Variants in MSRA observed in about 807,000 individuals in gnomAD.
MSRA encodes the protein methionine sulfoxide reductase A.
MSRA carries 54 observed loss-of-function variants against 31.3 expected under a neutral mutation model. The observed-to-expected ratio is 1.73, with a 90% confidence interval of 1.39 to 2.17. The LOEUF is 2.17. Ranked by LOEUF, MSRA falls within the 30% of genes most tolerant of loss-of-function variation. The pLI, the probability that MSRA is intolerant of heterozygous loss-of-function variation, is 0.00. For synonymous variants in MSRA, 169 were observed against 116.5 expected (o/e 1.45, Z -2.90); for missense variants, 507 against 300.9 (o/e 1.69, Z -5.07).
At chr8:10,134,492 C>T (rs750268369) in intron 1 of MSRA, among the ~76,000 whole-genome samples, 46 of 152,204 alleles carry the variant, frequency 3.0e-4, no homozygotes, top group Admixed American at 1.1e-3. Flanking sequence ...GACCGTGGGG[C>T]ACATCCATGC....
chr8:10,110,232 G>A (rs547896943), intron 1 of MSRA, among the ~76,000 whole-genome samples: 1 of 152,276 alleles, frequency 6.6e-6, no homozygotes, highest in Non-Finnish European at 1.5e-5. Context: ...GAAAGGTTTG[G>A]ACTGTTTCAG....
chr8:10,066,933 A>G, intron 1 of MSRA, among the ~76,000 whole-genome samples: 1 of 151,224 alleles, frequency 6.6e-6, no homozygotes, highest in East Asian at 1.9e-4. Context: ...GAAAGTACAG[A>G]GTTCCCATAC....
intron 5 of MSRA, among the ~76,000 whole-genome samples, chr8:10,322,716 A>G (rs895982845): frequency 6.6e-6 from 1 of 152,186 alleles, no homozygotes; most frequent in African/African-American, 2.4e-5. Context: ...AGGAACCCTT[A>G]TTATTATTGG....
intron 3 of MSRA, among the ~76,000 whole-genome samples, chr8:10,292,040 G>C (rs1049100087): frequency 2.0e-5 from 3 of 152,154 alleles, no homozygotes; most frequent in South Asian, 2.1e-4. Context: ...AAATAAAATG[G>C]TGCTGGCCCA....
At chr8:10,336,916 T>C (rs1803083599) in intron 5 of MSRA, 1 of 152,218 alleles carries the variant, frequency 6.6e-6, no homozygotes, top group South Asian at 2.1e-4. Flanking sequence ...GCATAGAAAT[T>C]CTAATCCAGC....
At chr8:10,064,073 C>G (rs1157355780) in intron 1 of MSRA, among the ~76,000 whole-genome samples, 4 of 152,118 alleles carry the variant, frequency 2.6e-5, no homozygotes, top group Non-Finnish European at 4.4e-5. Flanking sequence ...GAATCCCTTT[C>G]CTGTATTTGG....
chr8:10,063,993 C>T (rs1797334865), intron 1 of MSRA, among the ~76,000 whole-genome samples: 1 of 152,186 alleles, frequency 6.6e-6, no homozygotes, highest in South Asian at 2.1e-4. Flanking sequence ...AGAGTTGGAG[C>T]TGGAACTAGG....
chr8:10,234,267 C>A (rs186035947), intron 2 of MSRA, among the ~76,000 whole-genome samples: 2 of 151,984 alleles, frequency 1.3e-5, no homozygotes, highest in Non-Finnish European at 2.9e-5. Flanking sequence ...AAAAAAATAA[C>A]CCTCTGTGTG....
At chr8:10,258,958 C>T (rs147225469) in intron 3 of MSRA, among the ~76,000 whole-genome samples, 55 of 152,134 alleles carry the variant, frequency 3.6e-4, no homozygotes, top group African/African-American at 1.3e-3. Context: ...AATACAAAAA[C>T]TAGCCGGGTG....
chr8:10,115,971 C>G (rs1373800658), intron 1 of MSRA, among the ~76,000 whole-genome samples: 1 of 152,220 alleles, frequency 6.6e-6, no homozygotes, highest in East Asian at 1.9e-4. Context: ...CCGTCCCCTT[C>G]ACCTCCCACT....
chr8:10,418,658 C>G (rs1808622817), intron 5 of MSRA, among the ~76,000 whole-genome samples: 1 of 151,970 alleles, frequency 6.6e-6, no homozygotes, highest in Non-Finnish European at 1.5e-5. Flanking sequence ...AGGTTCCTTT[C>G]TAGTAATACT....
intron 1 of MSRA, among the ~76,000 whole-genome samples, chr8:10,163,256 AG>A (rs1420071209): frequency 6.6e-6 from 1 of 152,162 alleles, no homozygotes; most frequent in Non-Finnish European, 1.5e-5. Flanking sequence ...TCGTTATAGC[AG>A]CCCCCGCCGA....
chr8:10,054,848 T>A lies in MSRA; in HGVS notation c.142+190T>A, dbSNP rs1424804526. On this transcript the variant is annotated intron_variant, in intron 1 of 5. Coordinates refer to ENST00000317173, the MANE Select transcript of MSRA (RefSeq NM_012331.5). ...AGACGCTGGGGTCCACTGACGTCCC[T>A]TTGTCTTTGTTTGGCTCGTCATCTT... Among the ~76,000 whole-genome samples, 3 of 152,142 alleles carry A rather than the reference T, an allele frequency of 2.0e-5. No individual in the cohort carries two copies. In the East Asian group the frequency reaches 5.8e-4, roughly 29 times the overall value.
chr8:10,281,094 C>T (rs1216670342), intron 3 of MSRA, among the ~76,000 whole-genome samples: 1 of 151,950 alleles, frequency 6.6e-6, no homozygotes, highest in Non-Finnish European at 1.5e-5. Context: ...TAATGATTAC[C>T]CAACTGTGAA....
chr8:10,252,530 G>A (rs1052083993), intron 3 of MSRA, among the ~76,000 whole-genome samples: 1 of 152,196 alleles, frequency 6.6e-6, no homozygotes, highest in African/African-American at 2.4e-5. Context: ...TGACAGTAAA[G>A]AGCGCCTGCA....
intron 5 of MSRA, among the ~76,000 whole-genome samples, chr8:10,323,189 C>G (rs927826089): frequency 6.6e-6 from 1 of 151,664 alleles, no homozygotes; most frequent in African/African-American, 2.4e-5. Context: ...CCAGGCAGGA[C>G]ACTACACTGG....
chr8:10,167,128 C>T (rs1332766450), intron 1 of MSRA, among the ~76,000 whole-genome samples: 1 of 152,150 alleles, frequency 6.6e-6, no homozygotes, highest in African/African-American at 2.4e-5. Flanking sequence ...ACACTGCTTC[C>T]CCAGGTCCCC....
intron 1 of MSRA, among the ~76,000 whole-genome samples, chr8:10,205,044 T>G (rs1316591896): frequency 6.6e-6 from 1 of 152,138 alleles, no homozygotes; most frequent in Admixed American, 6.5e-5. Flanking sequence ...ATGCTAGTGT[T>G]CTGACCATGC....
intron 3 of MSRA, among the ~76,000 whole-genome samples, chr8:10,295,583 G>C (rs1800492732): frequency 6.6e-6 from 1 of 152,048 alleles, no homozygotes; most frequent in African/African-American, 2.4e-5. Context: ...GTCTACATAA[G>C]ACCTGCTTCC....
Sources: allele counts gnomAD v4.1 joint callset (sites outside exome capture counted in the v4.1 genomes callset), GRCh38; gene constraint gnomAD v4.1.1; transcripts MANE v1.5; gene names NCBI Gene and HGNC (gene_info 2026-07-23, HGNC 2026-07-21).